Variants in EVC2 observed in about 807,000 individuals in gnomAD.
EVC2 encodes EvC ciliary complex subunit 2.
A neutral mutation model predicts 149.3 loss-of-function variants in EVC2; 148 were observed. The observed-to-expected ratio is 0.99, with a 90% CI of 0.87 to 1.14. The LOEUF is 1.14. EVC2 is among the 50% of genes most tolerant of loss of function. The pLI is 0.00. For missense variants in EVC2, 1,854 were observed against 1,627.3 expected, an observed-to-expected ratio of 1.14 and a Z score of -2.40; for synonymous variants, 776 against 649.9, an observed-to-expected ratio of 1.19 and a Z score of -2.95.
Position 5,584,864 on chromosome 4 carries a change from G to A in EVC2, c.2830-14C>T. The A allele has an allele frequency of 6.2e-7, 1 of 1,614,006 alleles. No homozygotes were observed. The highest frequency in any genetic ancestry group is 8.5e-7 in the Non-Finnish European group (1 of 1,179,922). Reference sequence around the variant, plus strand: ...TTCACCTCGAACCTGGGAGGGGACAGGGATGGACCCAAACCCAGAGAGCAG... The same window carrying A: ...TTCACCTCGAACCTGGGAGGGGACAAGGATGGACCCAAACCCAGAGAGCAG... On this transcript the variant is annotated splice_polypyrimidine_tract_variant and intron_variant, in intron 16 of 21. Transcript: ENST00000344408.
the EVC2 span, among the ~76,000 whole-genome samples, chr4:5,535,631 G>GAGAGAC: frequency 4.4e-3 from 663 of 150,794 alleles, 3 homozygotes; most frequent in African/African-American, 0.014. This position sits in a 1 kb window ranked among gnomAD's most constrained non-coding sequence, Gnocchi z 4.7. Flanking sequence ...GAGAGAGAGA[G>GAGAGAC]AGAAAGAGAT....
rs182298453 is a variant in EVC2, at chr4:5,568,588, G to A, written c.3413C>T (p.Thr1138Met). The A allele has an allele frequency of 2.0e-4, 328 of 1,608,496 alleles. No homozygotes were observed. The East Asian group carries it at 5.4e-3, about 26-fold the overall frequency. Residue 1138 changes from threonine (T) to methionine (M), a missense_variant, in exon 20 of 22, where the codon ACG becomes ATG. By Grantham distance (81) the Thr-to-Met change is moderately conservative (BLOSUM62 -1). Coordinates refer to ENST00000344408, the MANE Select transcript of EVC2 (RefSeq NM_147127.5). ...TACCACACTCAGGAGCCGGCGAAGCGTGGCCCCGGGCACCATGGCCATCCT... is the reference window on the plus strand; with the variant it reads ...TACCACACTCAGGAGCCGGCGAAGCATGGCCCCGGGCACCATGGCCATCCT... Reference protein sequence around the residue: ...LARMAMVPGATLRRLLSVVLP... With the variant: ...LARMAMVPGAMLRRLLSVVLP...
At chr4:5,583,331 G>C (rs928309095) in intron 17 of EVC2, among the ~76,000 whole-genome samples, 4 of 152,168 alleles carry the variant, frequency 2.6e-5, no homozygotes, top group African/African-American at 9.7e-5. Context: ...TACTGTTCAT[G>C]TCTGGTTTTG....
chr4:5,529,476 AAGTTTTATAGC>A, the EVC2 span, among the ~76,000 whole-genome samples: 1 of 152,186 alleles, frequency 6.6e-6, no homozygotes, highest in African/African-American at 2.4e-5. This position sits in a 1 kb window ranked among gnomAD's most constrained non-coding sequence, Gnocchi z 4.5. Flanking sequence ...CCCAACTATG[AAGTTTTATAGC>A]AGTTTGTTAT....
In EVC2 at chr4:5,670,970, CCAT is replaced by C. The variant is rs1230212424; in HGVS notation, c.871-5324_871-5322del. 5.9e-5 allele frequency among the ~76,000 whole-genome samples: 9 copies of C among 152,178 alleles called. No homozygotes were observed. The highest frequency in any genetic ancestry group is 2.1e-4 in the South Asian group (1 of 4,800). ...ATCACCATCATCTTCACGCCCACCA[CCAT>C]CAACACCATCATGACACCATCAGCG... On this transcript the variant is annotated intron_variant, in intron 7 of 21. Transcript: ENST00000344408. This position sits in a 1 kb window ranked among gnomAD's most constrained non-coding sequence, Gnocchi z 5.2.
At chr4:5,697,347 T>C (rs908795813) in intron 2 of EVC2, among the ~76,000 whole-genome samples, 3 of 152,218 alleles carry the variant, frequency 2.0e-5, no homozygotes, top group East Asian at 3.8e-4. Context: ...ATTCACCAAA[T>C]GCCTTCAGGG....
intron 2 of EVC2, among the ~76,000 whole-genome samples, chr4:5,697,207 C>T (rs1487855273): frequency 6.6e-6 from 1 of 152,232 alleles, no homozygotes; most frequent in Admixed American, 6.5e-5. Context: ...CCCAGTGAAA[C>T]TGATGTTGGA....
intron 1 of EVC2, among the ~76,000 whole-genome samples, chr4:5,699,935 G>A (rs1234356733): frequency 6.6e-6 from 1 of 152,196 alleles, no homozygotes; most frequent in African/African-American, 2.4e-5. Flanking sequence ...GAGGTCAGGA[G>A]TTCGAGACCA....
intron 16 of EVC2, among the ~76,000 whole-genome samples, chr4:5,585,914 T>C (rs1397931446): frequency 6.6e-6 from 1 of 152,168 alleles, no homozygotes; most frequent in Non-Finnish European, 1.5e-5. Context: ...CAAGCTGGAG[T>C]GCAGTGGTGC....
At chr4:5,698,927 C>T (rs537048550) in intron 1 of EVC2, among the ~76,000 whole-genome samples, 1 of 152,370 alleles carries the variant, frequency 6.6e-6, no homozygotes, top group East Asian at 1.9e-4. Context: ...ATGGCTCTCA[C>T]GCGGGCCAGA....
intron 16 of EVC2, among the ~76,000 whole-genome samples, chr4:5,598,550 C>T (rs914686439): frequency 2.0e-5 from 3 of 152,174 alleles, no homozygotes; most frequent in Admixed American, 6.5e-5. Context: ...CTTTCTTACA[C>T]CTTATACAAA....
rs1448918999 is a variant in EVC2, at chr4:5,640,742, G to A, written c.1242C>T (p.Leu414=). ...KDIIALLLKN[L]TSSGHLSPQV... is the part of the protein sequence containing the mutation. ...GGGGTGAGAGGTGGCCACTGCTGGT[G>A]AGATTTTTCAGCAGAAGGGCAATGA... is the stretch of plus-strand genomic sequence containing the variant. The change falls in exon 10 of 22, where the codon CTC becomes CTT. Residue 414 remains leucine (L), a synonymous_variant. Transcript: ENST00000344408. This position sits in a 1 kb window ranked among gnomAD's most constrained non-coding sequence, Gnocchi z 4.6. 2 of 1,614,158 alleles carry A rather than the reference G, an allele frequency of 1.2e-6. No homozygotes were observed. The highest frequency in any genetic ancestry group is 1.3e-5 in the African/African-American group (1 of 75,026).
rs1208952310 is a variant in EVC2 at position 5,569,862 on chromosome 4, G to A, written c.3361-1222C>T. The stretch of plus-strand genomic sequence containing the variant: ...TTCCAAATACCAAAGCTCCTTCCAC[G>A]TCCTGACGCTCCCCATCCATGGCCT... On this transcript the variant is annotated intron_variant, in intron 19 of 21. Coordinates refer to ENST00000344408, the MANE Select transcript of EVC2 (RefSeq NM_147127.5). The surrounding 1 kb of genome is among the most constrained non-coding windows in gnomAD (Gnocchi z 4.8). 8.5e-5 allele frequency among the ~76,000 whole-genome samples: 13 copies of A among 152,208 alleles called. No homozygotes were observed. In the East Asian group the frequency reaches 1.9e-3, roughly 23 times the overall value.
intron 4 of EVC2, 41 bp downstream of exon 4, chr4:5,691,224 A>G: frequency 6.4e-7 from 1 of 1,571,452 alleles, no homozygotes; most frequent in South Asian, 1.1e-5. Flanking sequence ...GCAAAATCCA[A>G]TTATTTTCTC....
At chr4:5,561,073 T>C (rs1269468377), downstream of EVC2, among the ~76,000 whole-genome samples, 1 of 152,232 alleles carries the variant, frequency 6.6e-6, no homozygotes, top group Non-Finnish European at 1.5e-5. Context: ...TCAATCAGGC[T>C]TCAGCCTATA....
intron 16 of EVC2, 147 bp from the exon 17 acceptor site, chr4:5,584,997 G>C (rs564168803): frequency 1.4e-5 from 12 of 858,954 alleles, no homozygotes; most frequent in Non-Finnish European, 1.7e-5. Context: ...AACCTGCAGG[G>C]AGCAACATCA....
At chr4:5,577,649 CAGA>C (rs1358611723) in intron 17 of EVC2, among the ~76,000 whole-genome samples, 1 of 152,140 alleles carries the variant, frequency 6.6e-6, no homozygotes, top group Non-Finnish European at 1.5e-5. Context: ...AGAACCATGA[CAGA>C]AGAAAATCCG....
chr4:5,688,215 TAAG>T (rs1180752105), intron 5 of EVC2, among the ~76,000 whole-genome samples: 2 of 152,134 alleles, frequency 1.3e-5, no homozygotes, highest in African/African-American at 2.4e-5. Flanking sequence ...AATAGCGTGT[TAAG>T]AAGGATTCTG....
chr4:5,666,094 T>C (rs755577334), intron 7 of EVC2, among the ~76,000 whole-genome samples: 14 of 152,176 alleles, frequency 9.2e-5, no homozygotes, highest in Non-Finnish European at 1.2e-4. Context: ...GATTAAATAA[T>C]TAAACCCCAA....
Sources: gnomAD v4.1 joint callset for allele counts (sites outside exome capture counted in the v4.1 genomes callset) on GRCh38, gnomAD v4.1.1 for gene constraint, Gnocchi (gnomAD v3.1) non-coding constraint, MANE v1.5 for transcripts, NCBI Gene and HGNC (gene_info 2026-07-23, HGNC 2026-07-21) for gene names.